RGS22: variants seen among roughly 807,000 people sequenced by gnomAD.
The protein encoded by RGS22 is regulator of G-protein signaling 22.
In RGS22, 148 loss-of-function variants were observed where a neutral mutation model predicts 172.9. That is an observed-to-expected ratio of 0.86 (90% CI 0.75 to 0.98). The LOEUF is 0.98. Among genes scored for constraint, RGS22 ranks in the 50% least tolerant of loss-of-function variants. RGS22 has a pLI of 0.00. For missense variants in RGS22, 1,347 were observed against 1,440.8 expected (o/e 0.93, Z 1.05); for synonymous variants, 458 against 480.2 (o/e 0.95, Z 0.60).
At chr8:99,995,104 C>T (rs1269774420) in intron 20 of RGS22, among the ~76,000 whole-genome samples, 1 of 152,162 alleles carries the variant, frequency 6.6e-6, no homozygotes, top group African/African-American at 2.4e-5. Flanking sequence ...ACACCTTATA[C>T]AAAAATTAAT....
At chr8:99,993,543 C>A (rs562149587) in intron 20 of RGS22, among the ~76,000 whole-genome samples, 9 of 152,256 alleles carry the variant, frequency 5.9e-5, no homozygotes, top group Admixed American at 2.0e-4. Context: ...TGGACACATA[C>A]ACTCTCCCAA....
At chr8:100,099,043 G>A (rs1813258151) in intron 2 of RGS22, among the ~76,000 whole-genome samples, 1 of 151,982 alleles carries the variant, frequency 6.6e-6, no homozygotes, top group South Asian at 2.1e-4. Context: ...AGCCTCCTGA[G>A]TAGCTGGGAC....
At chr8:100,006,612 G>C (rs561003466) in intron 15 of RGS22, among the ~76,000 whole-genome samples, 1 of 152,272 alleles carries the variant, frequency 6.6e-6, no homozygotes, top group African/African-American at 2.4e-5. Context: ...ACTTCATATA[G>C]TCAGGAGAAC....
intron 10 of RGS22, among the ~76,000 whole-genome samples, chr8:100,049,080 A>C (rs1425883898): frequency 6.6e-6 from 1 of 152,306 alleles, no homozygotes; most frequent in East Asian, 1.9e-4. Context: ...TTGCTGGCTT[A>C]GGTGAAAGCT....
In RGS22 at chr8:100,039,042, G is replaced by A; in HGVS notation, c.2065-10C>T. 4.0e-6 allele frequency: 6 copies of A among 1,494,912 alleles called. No individual in the cohort carries two copies. The highest frequency in any genetic ancestry group is 5.5e-6 in the Non-Finnish European group (6 of 1,085,596). 92.6% of individuals were successfully genotyped at this position (1,494,912 alleles called of 1,614,324 possible). Reference sequence around the variant, plus strand: ...CACTGTTCTTCCACAACTACAGATGGAAAAAGTACATAAATTATTACCACC... The same window carrying A: ...CACTGTTCTTCCACAACTACAGATGAAAAAAGTACATAAATTATTACCACC... On this transcript the variant is annotated splice_polypyrimidine_tract_variant and intron_variant, in intron 13 of 27. Coordinates refer to ENST00000360863, the MANE Select transcript of RGS22 (RefSeq NM_015668.5).
intron 23 of RGS22, among the ~76,000 whole-genome samples, chr8:99,971,824 C>A (rs1214563383): frequency 2.6e-5 from 4 of 152,060 alleles, no homozygotes; most frequent in African/African-American, 9.7e-5. Flanking sequence ...GCCATACTGC[C>A]CAAAGTAATT....
chr8:99,974,472 T>C (rs1333625382), intron 23 of RGS22, among the ~76,000 whole-genome samples: 1 of 152,028 alleles, frequency 6.6e-6, no homozygotes, highest in African/African-American at 2.4e-5. Flanking sequence ...GATACAATAG[T>C]AATGAGAAAA....
intron 2 of RGS22, 147 bp downstream of exon 2, chr8:100,105,227 G>C (rs1813831909): frequency 1.6e-6 from 1 of 632,856 alleles, no homozygotes; most frequent in African/African-American, 1.9e-5. Context: ...AATTTAAAAA[G>C]ATCTTGTACA....
chr8:99,994,932 A>C (rs1287545515), intron 20 of RGS22, among the ~76,000 whole-genome samples: 1 of 152,208 alleles, frequency 6.6e-6, no homozygotes, highest in Non-Finnish European at 1.5e-5. Context: ...AGACCAATGG[A>C]ACAGAACAGA....
chr8:100,095,447 G>C (rs997202659), intron 2 of RGS22, among the ~76,000 whole-genome samples: 1 of 152,182 alleles, frequency 6.6e-6, no homozygotes, highest in African/African-American at 2.4e-5. Flanking sequence ...GCCTCCTAAA[G>C]TGCTGGGATT....
chr8:100,105,314 T>A, intron 2 of RGS22, 60 bp downstream of exon 2: 1 of 1,305,952 alleles, frequency 7.7e-7, no homozygotes. Context: ...TTCTATGATC[T>A]AATATTTGCT....
chr8:100,016,872 A>T (rs955856512), intron 14 of RGS22, among the ~76,000 whole-genome samples: 86 of 151,742 alleles, frequency 5.7e-4, no homozygotes, highest in African/African-American at 2.0e-3. Context: ...ATATGTAACT[A>T]ACCTGCACGT....
Position 99,990,172 on chromosome 8 carries a change from G to A in RGS22, c.3019-2553C>T, listed in dbSNP as rs549469366. On this transcript the variant is annotated intron_variant, in intron 20 of 27. Transcript: ENST00000360863. Reference sequence around the variant, plus strand: ...GAATAGAGCTCCTTATTCAGGAGGCGAAGGCAGGAGGATCACTGGAGCCCA... The same window carrying A: ...GAATAGAGCTCCTTATTCAGGAGGCAAAGGCAGGAGGATCACTGGAGCCCA... Among the ~76,000 whole-genome samples, 9 of 152,214 alleles carry A rather than the reference G, an allele frequency of 5.9e-5. 1 individual carries two copies. The East Asian group carries it at 1.2e-3, about 20-fold the overall frequency.
chr8:99,976,645 G>A (rs1234907350), intron 23 of RGS22, among the ~76,000 whole-genome samples: 6 of 152,228 alleles, frequency 3.9e-5, no homozygotes, highest in Non-Finnish European at 2.9e-5. Flanking sequence ...ACAGGCGTGA[G>A]CCACTGCGCC....
intron 6 of RGS22, among the ~76,000 whole-genome samples, chr8:100,067,857 T>C (rs1006388364): frequency 1.6e-4 from 25 of 152,020 alleles, no homozygotes; most frequent in African/African-American, 6.0e-4. Flanking sequence ...ACTCCTGACC[T>C]CATGATCCGC....
chr8:100,087,261 C>A (rs1257719228), intron 3 of RGS22, among the ~76,000 whole-genome samples: 1 of 152,078 alleles, frequency 6.6e-6, no homozygotes, highest in African/African-American at 2.4e-5. Flanking sequence ...ACAGGAAAAA[C>A]CTTCAGTTTG....
chr8:99,981,872 T>C (rs1473785038), intron 22 of RGS22, 65 bp downstream of exon 22: 2 of 1,453,364 alleles, frequency 1.4e-6, no homozygotes, highest in African/African-American at 1.4e-5. Context: ...CAAAAGGATA[T>C]CTATCTTTAA....
At chr8:100,064,542 C>T (rs1810401689) in intron 7 of RGS22, among the ~76,000 whole-genome samples, 1 of 151,974 alleles carries the variant, frequency 6.6e-6, no homozygotes, top group South Asian at 2.1e-4. Flanking sequence ...AAAAAAACTG[C>T]CAATGGGAAT....
chr8:100,040,179 C>G (rs1819956965), intron 12 of RGS22, 92 bp from the exon 13 acceptor site: 3 of 1,132,498 alleles, frequency 2.6e-6, no homozygotes, highest in Non-Finnish European at 3.8e-6. Context: ...CTCTACCATG[C>G]TGTCATTTTC....
Sources: allele counts gnomAD v4.1 joint callset (sites outside exome capture counted in the v4.1 genomes callset), GRCh38; gene constraint gnomAD v4.1.1; transcripts MANE v1.5; gene names NCBI Gene and HGNC (gene_info 2026-07-23, HGNC 2026-07-21).